Variants in EGF observed in about 807,000 individuals in gnomAD.
EGF encodes pro-epidermal growth factor.
In EGF, 95 loss-of-function variants were observed where a neutral mutation model predicts 143.8. The observed-to-expected ratio is 0.66, with a 90% CI of 0.56 to 0.78. EGF has a LOEUF of 0.78. Ranked by LOEUF, EGF falls within the 30% of genes least tolerant of loss-of-function variation. The pLI is 0.00. For synonymous variants in EGF, 510 were observed against 510.5 expected (o/e 1.00, Z 0.01); for missense variants, 1,320 against 1,470.9 (o/e 0.90, Z 1.68).
intron 11 of EGF, among the ~76,000 whole-genome samples, chr4:109,969,529 C>G (rs921777136): frequency 2.6e-5 from 4 of 151,948 alleles, no homozygotes; most frequent in South Asian, 2.1e-4. Flanking sequence ...GTGTAGCAAA[C>G]CACCATGGCA....
At position 109,988,657 on chromosome 4, in the gene EGF, T is replaced by G. The variant is rs758073460; in HGVS notation, c.2682T>G (p.Gly894=). The G allele has an allele frequency of 5.1e-5, 83 of 1,613,974 alleles. No homozygotes were observed. The highest frequency in any genetic ancestry group is 1.2e-4 in the Admixed American group (7 of 59,994). Residue 894 remains glycine, a synonymous_variant, in exon 18 of 24, where the codon GGT becomes GGG. Coordinates refer to ENST00000265171, the MANE Select transcript of EGF (RefSeq NM_001963.6). ...ASSKCINTEG[G]YVCRCSEGYQ... ...CCAAGTGCATCAACACCGAAGGTGG[T>G]TATGTCTGCCGGTGCTCAGAAGGCT...
At chr4:109,983,640 G>C in intron 16 of EGF, 99 bp downstream of exon 16, 1 of 1,524,698 alleles carries the variant, frequency 6.6e-7, no homozygotes, top group Non-Finnish European at 9.0e-7. Flanking sequence ...TATTGCCTAA[G>C]TTCTACACAA....
Position 109,994,802 on chromosome 4 carries a change from G to T in EGF, c.2927G>T (p.Cys976Phe). 6.2e-7 allele frequency: 1 copy of T among 1,614,132 alleles called. No homozygotes were observed. The highest frequency in any genetic ancestry group is 8.5e-7 in the Non-Finnish European group (1 of 1,179,996). ...HYSVRNSDSE[C>F]PLSHDGYCLH... ...TCCGTAAGAAATAGTGACTCTGAATGTCCCCTGTCCCACGATGGGTACTGC... is the reference window on the plus strand; with the variant it reads ...TCCGTAAGAAATAGTGACTCTGAATTTCCCCTGTCCCACGATGGGTACTGC... The change falls in exon 20 of 24, where the codon TGT (cysteine) becomes TTT (phenylalanine). Residue 976 changes from cysteine to phenylalanine, a missense_variant. Physicochemically the swap from Cys to Phe is radical, Grantham distance 205. Transcript: ENST00000265171.
intron 1 of EGF, among the ~76,000 whole-genome samples, chr4:109,913,898 A>T (rs11568856): frequency 0.029 from 4,479 of 152,308 alleles, 263 homozygotes; most frequent in East Asian, 0.19. Flanking sequence ...AGTTCTAAAA[A>T]TTAGTGAAAA....
rs551599360 is a variant in EGF, at chr4:109,924,467, C to T, written c.127+11005C>T. Among the ~76,000 whole-genome samples the T allele has an allele frequency of 1.1e-4, 16 of 151,096 alleles. No individual in the cohort carries two copies. In the East Asian group the frequency reaches 3.1e-3, roughly 29 times the overall value. On this transcript the variant is annotated intron_variant, in intron 1 of 23. Coordinates refer to ENST00000265171, the MANE Select transcript of EGF (RefSeq NM_001963.6). The stretch of plus-strand genomic sequence containing the variant: ...TATATAAATTACATCCATGAATTAA[C>T]TCAAATCAAGTCAGCAAGTATTTAT...
intron 4 of EGF, among the ~76,000 whole-genome samples, chr4:109,944,337 G>T (rs1013307248): frequency 1.3e-5 from 2 of 152,104 alleles, no homozygotes; most frequent in Non-Finnish European, 1.5e-5. Flanking sequence ...TATTCGGGAG[G>T]CTGAGGCAGG....
intron 3 of EGF, 46 bp downstream of exon 3, chr4:109,943,481 GT>G (rs775967170): frequency 1.9e-6 from 3 of 1,577,640 alleles, no homozygotes; most frequent in Non-Finnish European, 2.6e-6. Context: ...TACAAATCTA[GT>G]GAAGATTGAT....
At chr4:109,975,830 A>G (rs1294055393) in intron 12 of EGF, among the ~76,000 whole-genome samples, 182 bp from the exon 13 acceptor site, 1 of 152,220 alleles carries the variant, frequency 6.6e-6, no homozygotes, top group Admixed American at 6.5e-5. Flanking sequence ...TACATAGACA[A>G]GTTAATTGCT....
At chr4:109,930,415 G>A in intron 1 of EGF, among the ~76,000 whole-genome samples, 1 of 152,140 alleles carries the variant, frequency 6.6e-6, no homozygotes, top group East Asian at 1.9e-4. Flanking sequence ...CCTTCCTTAT[G>A]TAGGTCCATT....
At chr4:109,980,197 T>C in intron 14 of EGF, 58 bp downstream of exon 14, 1 of 1,523,572 alleles carries the variant, frequency 6.6e-7, no homozygotes, top group Middle Eastern at 1.8e-4. Flanking sequence ...ACTGTTTTAA[T>C]TGTTTGATGT....
chr4:110,001,953 G>A lies in EGF; in HGVS notation c.3173+2107G>A, dbSNP rs1218646690. 3 of 985,254 alleles carry A rather than the reference G, an allele frequency of 3.0e-6. No individual in the cohort carries two copies. In the African/African-American group the frequency reaches 5.2e-5, roughly 17 times the overall value. 61.0% of individuals were successfully genotyped at this position (985,254 alleles called of 1,614,324 possible). A position where few individuals can be genotyped will look rare whatever the true frequency, so the allele number is the denominator to read the frequency against. ...TACCTCTCCGCAAAGTTTCAGCTAT[G>A]TGCATAACTACGTTTGCACTATAGA... On this transcript the variant is annotated intron_variant, in intron 21 of 23. Transcript: ENST00000265171.
At chr4:109,923,019 A>C (rs2125941352) in intron 1 of EGF, among the ~76,000 whole-genome samples, 1 of 151,758 alleles carries the variant, frequency 6.6e-6, no homozygotes, top group East Asian at 1.9e-4. Flanking sequence ...TAAGTCCTAA[A>C]AACTATCTTA....
At chr4:110,006,032 G>A (rs897251870) in intron 22 of EGF, among the ~76,000 whole-genome samples, 1 of 146,726 alleles carries the variant, frequency 6.8e-6, no homozygotes, top group Non-Finnish European at 1.5e-5. Context: ...TTTTTGGTTG[G>A]ACTCAAGTAT....
chr4:109,998,372 T>C (rs953691443), intron 20 of EGF, among the ~76,000 whole-genome samples: 1 of 152,212 alleles, frequency 6.6e-6, no homozygotes, highest in Non-Finnish European at 1.5e-5. Flanking sequence ...CAGAGGTGAA[T>C]AGAGCATAAA....
rs1745802880 is a variant in EGF at position 109,962,126 on chromosome 4, C to T, written c.1312+141C>T. On this transcript the variant is annotated intron_variant, in intron 8 of 23. Transcript: ENST00000265171. ...GAAAGATATTGTTACAACAGATTAACATAGATTTAAATTTAGTATTTTTGG... is the reference window on the plus strand; with the variant it reads ...GAAAGATATTGTTACAACAGATTAATATAGATTTAAATTTAGTATTTTTGG... The T allele has an allele frequency of 2.1e-6, 3 of 1,410,034 alleles. No homozygotes were observed. In the South Asian group the frequency reaches 3.9e-5, roughly 18 times the overall value. The allele number at this position is 1,410,034 out of a possible 1,614,324, so 87.3% of individuals were successfully genotyped here. A position where few individuals can be genotyped will look rare whatever the true frequency, so the allele number is the denominator to read the frequency against.
Position 109,959,371 on chromosome 4 carries a change from C to G in EGF, c.1000C>G (p.Leu334Val), listed in dbSNP as rs772688411. 1 of 1,613,454 alleles carries G rather than the reference C, an allele frequency of 6.2e-7. No homozygotes were observed. Among genetic ancestry groups the G allele is most frequent in the South Asian group, 1.1e-5 (1 of 91,080 alleles). ...NCSSTVCGQD[L>V]QSHLCMCAEG... is the part of the protein sequence containing the mutation. Reference sequence around the variant, plus strand: ...CAGCAGCACTGTGTGTGGGCAAGACCTCCAGTCACACTTGTGCATGTGTGC... The same window carrying G: ...CAGCAGCACTGTGTGTGGGCAAGACGTCCAGTCACACTTGTGCATGTGTGC... Residue 334 changes from leucine to valine, a missense_variant, in exon 6 of 24, where the codon CTC (leucine) becomes GTC (valine). By Grantham distance (32) the Leu-to-Val change is conservative. Around this residue, in one of 5 missense-constraint regions of EGF, gnomAD observed 1,186 missense variants for 1,313.7 expected, o/e 0.90. Transcript: ENST00000265171.
intron 22 of EGF, among the ~76,000 whole-genome samples, chr4:110,006,804 A>C (rs1300572535): frequency 6.6e-6 from 1 of 152,234 alleles, no homozygotes; most frequent in African/African-American, 2.4e-5. Context: ...TCAGTCCCCC[A>C]CAGCCGTCAT....
intron 21 of EGF, chr4:110,001,905 C>A: frequency 1.0e-6 from 1 of 985,402 alleles, no homozygotes; most frequent in African/African-American, 1.7e-5. Context: ...ATTTACCTAA[C>A]AATTCTGATC....
chr4:109,988,842 C>A, intron 18 of EGF, 133 bp downstream of exon 18: 2 of 1,366,724 alleles, frequency 1.5e-6, no homozygotes, highest in Non-Finnish European at 2.0e-6. Flanking sequence ...AAGAGTTGTG[C>A]GACCTGCTCA....
Sources: gnomAD v4.1 joint callset for allele counts (sites outside exome capture counted in the v4.1 genomes callset) on GRCh38, gnomAD v4.1.1 for gene constraint, gnomAD v4.1.1 regional missense constraint, MANE v1.5 for transcripts, NCBI Gene and HGNC (gene_info 2026-07-23, HGNC 2026-07-21) for gene names.